The following ANKRD29 variants were observed in gnomAD, a reference collection of about 807,000 sequenced individuals.
ANKRD29 encodes ankyrin repeat domain-containing protein 29.
A neutral mutation model predicts 38.0 loss-of-function variants in ANKRD29; 32 were observed. The observed-to-expected ratio is 0.84, with a 90% CI of 0.64 to 1.13. The LOEUF is 1.13. Among genes scored for constraint, ANKRD29 ranks in the 50% most tolerant of loss-of-function variants. The pLI, the probability that ANKRD29 is intolerant of heterozygous loss-of-function variation, is 0.00. For missense variants in ANKRD29, 357 were observed against 377.9 expected, an observed-to-expected ratio of 0.94 and a Z score of 0.46; for synonymous variants, 135 against 152.4, an observed-to-expected ratio of 0.89 and a Z score of 0.84.
chr18:23,638,215 C>T (rs527942567), intron 4 of ANKRD29, among the ~76,000 whole-genome samples: 91 of 151,884 alleles, frequency 6.0e-4, no homozygotes, highest in Non-Finnish European at 1.1e-3. Flanking sequence ...TTGATCAGGC[C>T]GGTCTCGAAC....
At position 23,649,101 on chromosome 18, in the gene ANKRD29, G is replaced by A. The variant is rs557456097; in HGVS notation, c.114C>T (p.Asp38=). ...LKLLLNSGRV[D]VDCRDSHGTT... ...ACCGTACGCTGTCTCTGCAGTCCAC[G>A]TCCACCCGGCCGCTGTTCAACAGCA... Residue 38 remains aspartate (D), a synonymous_variant, in exon 2 of 10, where the codon GAC becomes GAT. Coordinates refer to ENST00000592179, the MANE Select transcript of ANKRD29 (RefSeq NM_173505.4). 1.2e-5 allele frequency: 20 copies of A among 1,614,134 alleles called. No individual in the cohort carries two copies. Among genetic ancestry groups the A allele is most frequent in the Middle Eastern group, 1.6e-4 (1 of 6,062 alleles).
chr18:23,627,344 T>C (rs1320630586), intron 6 of ANKRD29, among the ~76,000 whole-genome samples: 1 of 152,228 alleles, frequency 6.6e-6, no homozygotes, highest in Non-Finnish European at 1.5e-5. Flanking sequence ...TCAAAATAAT[T>C]CAAAACAATT....
At chr18:23,612,365 C>T (rs971730130) in intron 8 of ANKRD29, among the ~76,000 whole-genome samples, 175 bp from the exon 9 acceptor site, 20 of 152,208 alleles carry the variant, frequency 1.3e-4, no homozygotes, top group African/African-American at 4.3e-4. Context: ...TCCTTGGATA[C>T]ATAACCAATG....
chr18:23,601,194 C>A lies in ANKRD29; in HGVS notation c.*32G>T, dbSNP rs2059507336. ...TTTCTTTTTGGACAATGTGGTTAAG[C>A]TTTCTATCTTTCTGTCAAATATGGA... On this transcript the variant is annotated 3_prime_UTR_variant, in exon 10 of 10. Coordinates refer to ENST00000592179, the MANE Select transcript of ANKRD29 (RefSeq NM_173505.4). The A allele has an allele frequency of 2.5e-6, 4 of 1,587,982 alleles. No homozygotes were observed. Among genetic ancestry groups the A allele is most frequent in the Middle Eastern group, 1.7e-4 (1 of 6,014 alleles).
At chr18:23,608,853 C>T (rs1048442956) in intron 9 of ANKRD29, among the ~76,000 whole-genome samples, 6 of 152,110 alleles carry the variant, frequency 3.9e-5, no homozygotes, top group Non-Finnish European at 5.9e-5. Context: ...AATTTAGGGC[C>T]GGGCGCGGTG....
At chr18:23,617,589 C>T (rs1433331352) in intron 8 of ANKRD29, 143 bp downstream of exon 8, 8 of 560,396 alleles carry the variant, frequency 1.4e-5, no homozygotes, top group Non-Finnish European at 2.2e-5. Flanking sequence ...CTGGGATCTC[C>T]AGCATCAAGA....
chr18:23,609,621 G>C (rs2059616311), intron 9 of ANKRD29, among the ~76,000 whole-genome samples: 1 of 152,152 alleles, frequency 6.6e-6, no homozygotes, highest in Non-Finnish European at 1.5e-5. Flanking sequence ...TTGCCCACTT[G>C]AAATTACTCA....
chr18:23,647,799 A>G (rs1197142872), intron 2 of ANKRD29: 1 of 152,316 alleles, frequency 6.6e-6, no homozygotes, highest in Non-Finnish European at 1.5e-5. Context: ...TAAAACCCAA[A>G]TAAGACCAAG....
At chr18:23,617,486 A>G (rs1340663687) in intron 8 of ANKRD29, among the ~76,000 whole-genome samples, 1 of 152,030 alleles carries the variant, frequency 6.6e-6, no homozygotes, top group East Asian at 1.9e-4. Context: ...TAGCTATTTC[A>G]TTACTACTGT....
intron 1 of ANKRD29, among the ~76,000 whole-genome samples, chr18:23,657,051 G>A (rs1171090487): frequency 6.6e-6 from 1 of 152,184 alleles, no homozygotes; most frequent in Non-Finnish European, 1.5e-5. Context: ...CCTCCATCAG[G>A]GGTGCAAATC....
chr18:23,613,847 C>G (rs2059676971), intron 8 of ANKRD29, among the ~76,000 whole-genome samples: 1 of 152,114 alleles, frequency 6.6e-6, no homozygotes, highest in Admixed American at 6.6e-5. Flanking sequence ...ATCCTCCTGC[C>G]TTGGCCTTCC....
chr18:23,659,138 C>T (rs1266809816), intron 1 of ANKRD29, among the ~76,000 whole-genome samples: 2 of 152,076 alleles, frequency 1.3e-5, no homozygotes, highest in Non-Finnish European at 2.9e-5. Flanking sequence ...CCTGCCATGA[C>T]GTCCAGCTAA....
rs142432439 is a variant in ANKRD29, at chr18:23,660,160, T to G, written c.21+2550A>C. ...TAAAAATGACTGCATCACTTCATAC[T>G]CCTACCAGCAATGCATGCAGATTCA... On this transcript the variant is annotated intron_variant, in intron 1 of 9. Coordinates refer to ENST00000592179, the MANE Select transcript of ANKRD29 (RefSeq NM_173505.4). Among the ~76,000 whole-genome samples the G allele has an allele frequency of 6.3e-3, 960 of 152,246 alleles. 13 individuals carry two copies. Among genetic ancestry groups the G allele is most frequent in the African/African-American group, 0.022 (910 of 41,548 alleles).
intron 9 of ANKRD29, among the ~76,000 whole-genome samples, chr18:23,611,728 C>T (rs978388140): frequency 6.6e-6 from 1 of 152,060 alleles, no homozygotes; most frequent in Non-Finnish European, 1.5e-5. Flanking sequence ...ACCCATCACA[C>T]AACGCACGTC....
intron 9 of ANKRD29, chr18:23,609,129 C>T (rs1406346128): frequency 7.2e-6 from 1 of 139,440 alleles, no homozygotes; most frequent in African/African-American, 2.7e-5. Flanking sequence ...GGTCATGCAG[C>T]TTCTGGCTCG....
chr18:23,662,000 C>G (rs1246553707), intron 1 of ANKRD29, among the ~76,000 whole-genome samples: 1 of 148,416 alleles, frequency 6.7e-6, no homozygotes, highest in Non-Finnish European at 1.5e-5. Context: ...GAGTTAATTT[C>G]TCTATATCTT....
intron 9 of ANKRD29, among the ~76,000 whole-genome samples, chr18:23,611,732 G>A (rs1568008611): frequency 1.3e-5 from 2 of 152,000 alleles, no homozygotes; most frequent in Non-Finnish European, 2.9e-5. Flanking sequence ...ATCACACAAC[G>A]CACGTCCATG....
chr18:23,634,960 G>A (rs913274638), intron 4 of ANKRD29, among the ~76,000 whole-genome samples: 21 of 152,138 alleles, frequency 1.4e-4, no homozygotes, highest in Admixed American at 8.5e-4. Context: ...TGCCCTCATG[G>A]GACAAGATCT....
At chr18:23,619,305 A>G (rs1157851645) in intron 7 of ANKRD29, 6 of 504,488 alleles carry the variant, frequency 1.2e-5, no homozygotes, top group Admixed American at 1.2e-4. Flanking sequence ...TACCGCCCTC[A>G]GGCCTAAGGC....
Sources: allele counts gnomAD v4.1 joint callset (sites outside exome capture counted in the v4.1 genomes callset), GRCh38; gene constraint gnomAD v4.1.1; transcripts MANE v1.5; gene names NCBI Gene and HGNC (gene_info 2026-07-23, HGNC 2026-07-21).